Variants in EPHB1 observed in about 807,000 individuals in gnomAD.
EPHB1 encodes the protein EPH receptor B1.
In EPHB1, 30 loss-of-function variants were observed where a neutral mutation model predicts 94.4. The ratio of observed to expected loss-of-function variants is 0.32; its 90% CI spans 0.24 to 0.43. The LOEUF (loss-of-function observed/expected upper bound fraction) is 0.43. Among genes scored for constraint, EPHB1 ranks in the 20% least tolerant of loss-of-function variants. The pLI is 1.00. For missense variants in EPHB1, 1,055 were observed against 1,308.3 expected, an observed-to-expected ratio of 0.81 and a Z score of 2.99; for synonymous variants, 522 against 489.1, an observed-to-expected ratio of 1.07 and a Z score of -0.89.
chr3:135,199,501 A>T (rs2107712340), intron 11 of EPHB1, among the ~76,000 whole-genome samples: 2 of 152,302 alleles, frequency 1.3e-5, no homozygotes, highest in Middle Eastern at 3.4e-3. Flanking sequence ...TTTCTTTTTG[A>T]GTTGCTTAGA....
At chr3:134,881,861 A>T (rs2037737171) in intron 1 of EPHB1, among the ~76,000 whole-genome samples, 1 of 152,218 alleles carries the variant, frequency 6.6e-6, no homozygotes, top group Non-Finnish European at 1.5e-5. Context: ...GACTGCCATG[A>T]CATCTGACCA....
intron 3 of EPHB1, among the ~76,000 whole-genome samples, chr3:134,955,794 G>T (rs1933247719): frequency 6.6e-6 from 1 of 152,168 alleles, no homozygotes; most frequent in African/African-American, 2.4e-5. Context: ...TAGTGACTCT[G>T]ACCTCATCAT....
intron 3 of EPHB1, among the ~76,000 whole-genome samples, chr3:135,092,535 C>CT (rs1938593438): frequency 6.6e-6 from 1 of 152,188 alleles, no homozygotes; most frequent in South Asian, 2.1e-4. Flanking sequence ...GTTTCCCTGT[C>CT]TCCTGCTTAG....
chr3:135,172,040 C>G (rs1171508414), intron 9 of EPHB1, among the ~76,000 whole-genome samples: 1 of 152,200 alleles, frequency 6.6e-6, no homozygotes, highest in African/African-American at 2.4e-5. Context: ...GATATATAAA[C>G]AGTGTCTTCT....
intron 12 of EPHB1, among the ~76,000 whole-genome samples, chr3:135,205,126 C>T (rs955333749): frequency 6.6e-6 from 1 of 152,022 alleles, no homozygotes; most frequent in Non-Finnish European, 1.5e-5. Context: ...GACAGGATCT[C>T]ATTATTTTTT....
intron 1 of EPHB1, among the ~76,000 whole-genome samples, chr3:134,815,415 T>G (rs2036252057): frequency 6.6e-6 from 1 of 151,834 alleles, no homozygotes; most frequent in South Asian, 2.1e-4. Flanking sequence ...AAAATATATA[T>G]GTAATATCAT....
intron 3 of EPHB1, among the ~76,000 whole-genome samples, chr3:135,017,658 C>T (rs1295906030): frequency 6.6e-6 from 1 of 152,136 alleles, no homozygotes; most frequent in African/African-American, 2.4e-5. Flanking sequence ...TATGCTGCCT[C>T]CTATGCTCCC....
chr3:135,257,415 T>G (rs1346216956), intron 15 of EPHB1, among the ~76,000 whole-genome samples: 2 of 151,810 alleles, frequency 1.3e-5, no homozygotes, highest in Non-Finnish European at 2.9e-5. Flanking sequence ...TCCTTTCTGT[T>G]TGTTAGTTTT....
At chr3:134,970,299 G>A (rs946205024) in intron 3 of EPHB1, among the ~76,000 whole-genome samples, 6 of 152,202 alleles carry the variant, frequency 3.9e-5, no homozygotes, top group African/African-American at 1.4e-4. Context: ...AAGGCATGCA[G>A]CTCATTTTAT....
At chr3:135,241,443 G>A in intron 13 of EPHB1, 146 bp downstream of exon 13, 3 of 1,037,606 alleles carry the variant, frequency 2.9e-6, no homozygotes, top group Non-Finnish European at 2.9e-6. Flanking sequence ...GACACCCTTA[G>A]CATGGATGTT....
chr3:134,919,370 C>T (rs79126755), intron 1 of EPHB1, among the ~76,000 whole-genome samples: 4,014 of 152,244 alleles, frequency 0.026, 191 homozygotes, highest in African/African-American at 0.091. Context: ...CTGTGCTGGG[C>T]CCAGGCACTG....
intron 1 of EPHB1, among the ~76,000 whole-genome samples, chr3:134,825,239 G>A (rs929092755): frequency 6.6e-6 from 1 of 152,220 alleles, no homozygotes; most frequent in Admixed American, 6.5e-5. Context: ...AAGGAGGCAG[G>A]CTGGAGATGT....
rs192286023 is a variant in EPHB1, at chr3:134,950,143, T to A, written c.124-1228T>A. Among the ~76,000 whole-genome samples, 23 of 152,384 alleles carry A rather than the reference T, an allele frequency of 1.5e-4. No homozygotes were observed. The East Asian group carries it at 4.4e-3, about 29-fold the overall frequency. On this transcript the variant is annotated intron_variant, in intron 2 of 15. Transcript: ENST00000398015. ...AATAATACCTGGTTCTGAAAGTTGC[T>A]GGGAATAGTGAAAGACATCACTTAA... is the stretch of plus-strand genomic sequence containing the variant.
intron 13 of EPHB1, among the ~76,000 whole-genome samples, chr3:135,243,074 C>CAAAA (rs397933477): frequency 9.2e-5 from 9 of 98,340 alleles, no homozygotes; most frequent in Non-Finnish European, 1.6e-4. Flanking sequence ...GACCCTGTCT[C>CAAAA]AAAAAAAAAA....
intron 3 of EPHB1, among the ~76,000 whole-genome samples, chr3:135,082,939 C>G (rs148641086): frequency 1.1e-4 from 16 of 152,198 alleles, no homozygotes; most frequent in South Asian, 2.1e-4. Context: ...GTAGTTGAGG[C>G]ATGTGGAAGT....
At position 135,058,960 on chromosome 3, in the gene EPHB1, C is replaced by T. The variant is rs76231255; in HGVS notation, c.806-47488C>T. ...TTATTCTCAGAACACTCAATGACAC[C>T]TCACAGAATACAATTTGGAGAAGGG... On this transcript the variant is annotated intron_variant, in intron 3 of 15. Coordinates refer to ENST00000398015, the MANE Select transcript of EPHB1 (RefSeq NM_004441.5). Among the ~76,000 whole-genome samples the T allele has an allele frequency of 3.3e-4, 51 of 152,314 alleles. 1 individual carries two copies. In the East Asian group the frequency reaches 8.5e-3, roughly 25 times the overall value.
chr3:134,875,461 C>A (rs1257414496), intron 1 of EPHB1, among the ~76,000 whole-genome samples: 1 of 152,126 alleles, frequency 6.6e-6, no homozygotes, highest in Non-Finnish European at 1.5e-5. Flanking sequence ...ACTTATGGAA[C>A]TGCAGGGAGT....
At chr3:135,049,487 G>A (rs1253430271) in intron 3 of EPHB1, among the ~76,000 whole-genome samples, 1 of 152,302 alleles carries the variant, frequency 6.6e-6, no homozygotes, top group South Asian at 2.1e-4. Flanking sequence ...ACCTGCACCT[G>A]TCCTCTCCCT....
In EPHB1 at chr3:135,173,407, T is replaced by A. The variant is rs535781675; in HGVS notation, c.1759+6401T>A. Among the ~76,000 whole-genome samples, 5 of 152,280 alleles carry A rather than the reference T, an allele frequency of 3.3e-5. No homozygotes were observed. The East Asian group carries it at 9.7e-4, about 29-fold the overall frequency. On this transcript the variant is annotated intron_variant, in intron 9 of 15. Coordinates refer to ENST00000398015, the MANE Select transcript of EPHB1 (RefSeq NM_004441.5). ...TGGGAGACAGATGTTCAGTAATAAC[T>A]GGTTTTTGGGGCAGATCCCAAAAAT...
Sources: allele counts gnomAD v4.1 joint callset (sites outside exome capture counted in the v4.1 genomes callset), GRCh38; gene constraint gnomAD v4.1.1; transcripts MANE v1.5; gene names NCBI Gene and HGNC (gene_info 2026-07-23, HGNC 2026-07-21).